ATP2C2: variants seen among roughly 807,000 people sequenced by gnomAD.
ATP2C2 encodes the protein ATPase secretory pathway Ca2+ transporting 2, also known as calcium-transporting ATPase type 2C member 2.
ATP2C2 carries 171 observed loss-of-function variants against 110.8 expected under a neutral mutation model. The observed-to-expected ratio is 1.54, with a 90% CI of 1.36 to 1.75. ATP2C2 has a LOEUF of 1.75. Among genes scored for constraint, ATP2C2 ranks in the 40% most tolerant of loss-of-function variants. The pLI, the probability that ATP2C2 is intolerant of heterozygous loss-of-function variation, is 0.00. For missense variants in ATP2C2, 1,963 were observed against 1,235.0 expected, an observed-to-expected ratio of 1.59 and a Z score of -8.84; for synonymous variants, 804 against 508.4, an observed-to-expected ratio of 1.58 and a Z score of -7.82.
chr16:84,447,672 A>G (rs886513418), intron 16 of ATP2C2, among the ~76,000 whole-genome samples: 1 of 146,294 alleles, frequency 6.8e-6, no homozygotes, highest in African/African-American at 2.5e-5. Flanking sequence ...TATATTACAT[A>G]TATTACATAT....
chr16:84,441,291 T>C (rs1379975318), intron 14 of ATP2C2, among the ~76,000 whole-genome samples: 6 of 151,978 alleles, frequency 3.9e-5, no homozygotes, highest in Non-Finnish European at 5.9e-5. Flanking sequence ...AAAAAATTAT[T>C]TAAAAAGAAG....
chr16:84,371,905 G>T (rs1281908548), intron 1 of ATP2C2, among the ~76,000 whole-genome samples: 1 of 152,182 alleles, frequency 6.6e-6, no homozygotes, highest in Non-Finnish European at 1.5e-5. Flanking sequence ...TCTACCCTCA[G>T]GTATCCCAAC....
chr16:84,452,972 A>G lies in ATP2C2; in HGVS notation c.1832-166A>G, dbSNP rs138878162. On this transcript the variant is annotated intron_variant, in intron 18 of 26. Transcript: ENST00000262429. The stretch of plus-strand genomic sequence containing the variant: ...TGGGGATAATGAGGCGTTTGGTGTA[A>G]GTTAATCCTGTGGATAGAACCGAGG... 7.2e-3 allele frequency among the ~76,000 whole-genome samples: 1,099 copies of G among 152,212 alleles called. 5 individuals carry two copies. Among genetic ancestry groups the G allele is most frequent in the Middle Eastern group, 0.024 (7 of 294 alleles).
chr16:84,417,524 T>A (rs1906947752), intron 7 of ATP2C2, among the ~76,000 whole-genome samples: 2 of 152,368 alleles, frequency 1.3e-5, no homozygotes, highest in South Asian at 2.1e-4. Context: ...ACAACGGTTC[T>A]TTGAAACAAC....
rs544308514 is a variant in ATP2C2, at chr16:84,442,644, G to A, written c.1401+45G>A. 4 of 1,572,588 alleles carry A rather than the reference G, an allele frequency of 2.5e-6. No homozygotes were observed. In the East Asian group the frequency reaches 6.7e-5, roughly 27 times the overall value. On this transcript the variant is annotated intron_variant, in intron 15 of 26. Coordinates refer to ENST00000262429, the MANE Select transcript of ATP2C2 (RefSeq NM_014861.4). ...CTCTGCGGGGAATTCTTTCGCTCGG[G>A]GCTGGATTCATTGGTAGAAAGCCAG...
chr16:84,415,904 C>G (rs1047291205), intron 7 of ATP2C2, among the ~76,000 whole-genome samples: 2 of 152,146 alleles, frequency 1.3e-5, no homozygotes, highest in East Asian at 3.8e-4. Context: ...AGAGTTGCCT[C>G]TCAAAACAGA....
chr16:84,416,936 A>C lies in ATP2C2; in HGVS notation c.624+1345A>C, dbSNP rs561175933. On this transcript the variant is annotated intron_variant, in intron 7 of 26. Transcript: ENST00000262429. ...CCGAGAAGGGGGGTCCTAACAGGGGATGCTCCAGATGCCAGGCAGCTTGTG... is the reference window on the plus strand; with the variant it reads ...CCGAGAAGGGGGGTCCTAACAGGGGCTGCTCCAGATGCCAGGCAGCTTGTG... Among the ~76,000 whole-genome samples, 765 of 151,732 alleles carry C rather than the reference A, an allele frequency of 5.0e-3. 6 individuals are homozygous for C. Among genetic ancestry groups the C allele is most frequent in the African/African-American group, 0.017 (700 of 41,354 alleles).
intron 2 of ATP2C2, among the ~76,000 whole-genome samples, chr16:84,399,210 C>T (rs905980517): frequency 6.6e-6 from 1 of 152,176 alleles, no homozygotes; most frequent in Non-Finnish European, 1.5e-5. Flanking sequence ...AAATAAAAAG[C>T]CCCCAGGAAA....
At chr16:84,405,522 C>G (rs1466108628) in intron 3 of ATP2C2, among the ~76,000 whole-genome samples, 1 of 152,214 alleles carries the variant, frequency 6.6e-6, no homozygotes, top group Non-Finnish European at 1.5e-5. Flanking sequence ...ACTAATCCTC[C>G]TCCTAATCCC....
At position 84,415,596 on chromosome 16, in the gene ATP2C2, G is replaced by C. The variant is rs188980019; in HGVS notation, c.624+5G>C. The C allele has an allele frequency of 2.5e-6, 4 of 1,610,868 alleles. No individual in the cohort carries two copies. The African/African-American group carries it at 5.3e-5, about 22-fold the overall frequency. ...GCAGACATCCGACTCACTGAGGTGAGTGGTTCCAAACCCTTGTCAATGGGG... is the reference window on the plus strand; with the variant it reads ...GCAGACATCCGACTCACTGAGGTGACTGGTTCCAAACCCTTGTCAATGGGG... On this transcript the variant is annotated splice_donor_5th_base_variant and intron_variant, in intron 7 of 26. Transcript: ENST00000262429.
At chr16:84,396,549 CAAAAA>C (rs57290176) in intron 1 of ATP2C2, among the ~76,000 whole-genome samples, 11 of 74,806 alleles carry the variant, frequency 1.5e-4, no homozygotes, top group East Asian at 4.0e-4. Flanking sequence ...GGCTCTATCT[CAAAAA>C]AAAAAAAAAA....
intron 1 of ATP2C2, among the ~76,000 whole-genome samples, chr16:84,388,750 A>C (rs1433258946): frequency 1.3e-5 from 2 of 151,976 alleles, no homozygotes; most frequent in East Asian, 3.9e-4. Context: ...TATATTGTGA[A>C]ATTCTTTTTT....
chr16:84,372,351 G>A lies in ATP2C2; in HGVS notation c.99+3637G>A, dbSNP rs569406304. On this transcript the variant is annotated intron_variant, in intron 1 of 26. Coordinates refer to ENST00000262429, the MANE Select transcript of ATP2C2 (RefSeq NM_014861.4). ...CATGCACACACAACTTTAACCCAAGGCTTGCCCAAACTCACAGATCATTAG... is the reference window on the plus strand; with the variant it reads ...CATGCACACACAACTTTAACCCAAGACTTGCCCAAACTCACAGATCATTAG... 3.0e-4 allele frequency among the ~76,000 whole-genome samples: 46 copies of A among 152,306 alleles called. 1 individual carries two copies. In the South Asian group the frequency reaches 9.3e-3, roughly 31 times the overall value.
At position 84,463,805 on chromosome 16, in the gene ATP2C2, C is replaced by A; in HGVS notation, c.*73C>A. 2 of 1,347,468 alleles carry A rather than the reference C, an allele frequency of 1.5e-6. No individual in the cohort carries two copies. The allele number at this position is 1,347,468 out of a possible 1,614,324, so 83.5% of individuals were successfully genotyped here. ...GACTGTGGCCCCTGCCGTGTCTCCT[C>A]GTCAGGGGAGACTTTTAGGAGGCCG... On this transcript the variant is annotated 3_prime_UTR_variant, in exon 27 of 27. Coordinates refer to ENST00000262429, the MANE Select transcript of ATP2C2 (RefSeq NM_014861.4).
At chr16:84,414,559 C>A (rs115441977) in intron 6 of ATP2C2, among the ~76,000 whole-genome samples, 1 of 152,200 alleles carries the variant, frequency 6.6e-6, no homozygotes, top group Non-Finnish European at 1.5e-5. Flanking sequence ...GCCAGTGTTG[C>A]ATGATGTGCT....
chr16:84,460,844 G>A (rs381467), intron 24 of ATP2C2, 43 bp downstream of exon 24: 756,370 of 1,574,910 alleles, frequency 0.48, 184,511 homozygotes, highest in Non-Finnish European at 0.5. Context: ...GCCCTGGTGC[G>A]GTGCAGACGC....
chr16:84,429,345 A>G (rs1262782945), intron 11 of ATP2C2, among the ~76,000 whole-genome samples: 2 of 151,842 alleles, frequency 1.3e-5, no homozygotes, highest in African/African-American at 4.8e-5. Flanking sequence ...TAGAGATGGG[A>G]TTTCACCATG....
chr16:84,388,813 C>T (rs1457479812), intron 1 of ATP2C2, among the ~76,000 whole-genome samples: 1 of 152,106 alleles, frequency 6.6e-6, no homozygotes. Context: ...CGCTCTGTTG[C>T]CAGGCTAGAG....
intron 10 of ATP2C2, 145 bp downstream of exon 10, chr16:84,423,408 C>T: frequency 1.4e-6 from 1 of 725,066 alleles, no homozygotes; most frequent in Admixed American, 2.6e-5. Flanking sequence ...CCACAAGCAA[C>T]AAGAGCTTTC....
Sources: gnomAD v4.1 joint callset for allele counts (sites outside exome capture counted in the v4.1 genomes callset) on GRCh38, gnomAD v4.1.1 for gene constraint, MANE v1.5 for transcripts, NCBI Gene and HGNC (gene_info 2026-07-23, HGNC 2026-07-21) for gene names.